FBXW7: variants seen among roughly 807,000 people sequenced by gnomAD.
FBXW7 encodes F-box and WD repeat domain containing 7, also known as F-box/WD repeat-containing protein 7.
Under a neutral mutation model 86.3 loss-of-function variants are expected in FBXW7, and 11 were observed. That is an observed-to-expected ratio of 0.13 (90% CI 0.08 to 0.21). The LOEUF is 0.21. FBXW7 is among the 10% of genes least tolerant of loss of function. The pLI is 1.00. For missense variants in FBXW7, 488 were observed against 847.4 expected (o/e 0.58, Z 5.27); for synonymous variants, 313 against 297.9 (o/e 1.05, Z -0.52).
At chr4:152,435,296 ATTCCT>A (rs1163607726) in intron 2 of FBXW7, among the ~76,000 whole-genome samples, 8 of 152,140 alleles carry the variant, frequency 5.3e-5, no homozygotes, top group Non-Finnish European at 1.0e-4. Context: ...CTTTATTTTC[ATTCCT>A]TTAACAACTT....
intron 4 of FBXW7, chr4:152,352,375 A>G: frequency 6.0e-6 from 9 of 1,489,286 alleles, no homozygotes; most frequent in Non-Finnish European, 8.2e-6. Context: ...CCAAAATTAG[A>G]GGATACTGCA....
chr4:152,520,349 C>T (rs1338871627), intron 2 of FBXW7, among the ~76,000 whole-genome samples: 3 of 150,146 alleles, frequency 2.0e-5, no homozygotes, highest in African/African-American at 7.4e-5. Flanking sequence ...AGGAGAATGG[C>T]GTGAACCCGG....
chr4:152,442,282 T>A (rs1047168526), intron 2 of FBXW7, among the ~76,000 whole-genome samples: 2 of 152,184 alleles, frequency 1.3e-5, no homozygotes, highest in Non-Finnish European at 1.5e-5. Flanking sequence ...GAATTACAGA[T>A]CACTCTGGAG....
chr4:152,326,511 T>C (rs1729035083), intron 11 of FBXW7, among the ~76,000 whole-genome samples: 1 of 151,934 alleles, frequency 6.6e-6, no homozygotes, highest in Non-Finnish European at 1.5e-5. Flanking sequence ...GGACTGAGTT[T>C]GAAAACCACT....
At chr4:152,335,623 C>A (rs534431120) in intron 7 of FBXW7, among the ~76,000 whole-genome samples, 1 of 152,148 alleles carries the variant, frequency 6.6e-6, no homozygotes, top group Admixed American at 6.5e-5. Context: ...TGAATTGAAA[C>A]GTATTTCAGA....
chr4:152,323,273 T>C (rs1287999515), intron 13 of FBXW7, 124 bp from the exon 14 acceptor site: 5 of 1,152,350 alleles, frequency 4.3e-6, no homozygotes, highest in Non-Finnish European at 6.0e-6. Context: ...ATGATACATA[T>C]TTAGAAACCC....
At chr4:152,504,203 T>G (rs950991377) in intron 2 of FBXW7, among the ~76,000 whole-genome samples, 1 of 152,018 alleles carries the variant, frequency 6.6e-6, no homozygotes, top group South Asian at 2.1e-4. Flanking sequence ...CAAGAAAAAG[T>G]AAAATAAAAA....
chr4:152,345,566 T>C (rs2126628102), intron 6 of FBXW7, among the ~76,000 whole-genome samples: 2 of 152,042 alleles, frequency 1.3e-5, no homozygotes, highest in South Asian at 4.2e-4. Context: ...ATCCCCTCAG[T>C]TATAAAAATG....
chr4:152,482,792 G>A (rs1404770642), intron 2 of FBXW7, among the ~76,000 whole-genome samples: 1 of 151,732 alleles, frequency 6.6e-6, no homozygotes, highest in Non-Finnish European at 1.5e-5. Context: ...TTCTATATTT[G>A]TCTTTATTCT....
chr4:152,355,322 T>C (rs1346523611), intron 4 of FBXW7, among the ~76,000 whole-genome samples: 1 of 152,090 alleles, frequency 6.6e-6, no homozygotes, highest in Non-Finnish European at 1.5e-5. Context: ...ATCTATCTTA[T>C]CTCTGTGACA....
chr4:152,391,530 A>G (rs1735997160), intron 4 of FBXW7, among the ~76,000 whole-genome samples: 1 of 152,150 alleles, frequency 6.6e-6, no homozygotes, highest in Non-Finnish European at 1.5e-5. Flanking sequence ...AAGATAAATA[A>G]GTCTAAGGAG....
At chr4:152,440,023 A>C (rs1169760931) in intron 2 of FBXW7, among the ~76,000 whole-genome samples, 1 of 152,178 alleles carries the variant, frequency 6.6e-6, no homozygotes, top group Admixed American at 6.5e-5. Context: ...AGTCAATCCA[A>C]CATATTGCCC....
chr4:152,360,775 A>G (rs1732860550), intron 4 of FBXW7, among the ~76,000 whole-genome samples: 1 of 151,460 alleles, frequency 6.6e-6, no homozygotes, highest in Non-Finnish European at 1.5e-5. Context: ...CATATATTTT[A>G]TGTGTGTGCG....
intron 2 of FBXW7, among the ~76,000 whole-genome samples, chr4:152,444,760 C>A (rs1015499625): frequency 6.6e-6 from 1 of 152,176 alleles, no homozygotes; most frequent in Non-Finnish European, 1.5e-5. Context: ...TCCGGTGATT[C>A]TTTCAATGTG....
chr4:152,327,579 C>T (rs1035108691), intron 11 of FBXW7, among the ~76,000 whole-genome samples: 1 of 151,996 alleles, frequency 6.6e-6, no homozygotes, highest in African/African-American at 2.4e-5. Context: ...TTGGCAGAAA[C>T]CATTTTGAAA....
intron 2 of FBXW7, among the ~76,000 whole-genome samples, chr4:152,534,176 C>G (rs2149754352): frequency 6.6e-6 from 1 of 151,162 alleles, no homozygotes; most frequent in East Asian, 1.9e-4. Context: ...AAAGATGTAT[C>G]CTAAATTGAT....
At chr4:152,508,429 G>A (rs776400194) in intron 2 of FBXW7, among the ~76,000 whole-genome samples, 7 of 152,032 alleles carry the variant, frequency 4.6e-5, no homozygotes, top group Admixed American at 2.0e-4. Flanking sequence ...AGTGGCTCAC[G>A]CTTGTAATCC....
intron 2 of FBXW7, among the ~76,000 whole-genome samples, chr4:152,483,930 T>C: frequency 6.6e-6 from 1 of 152,166 alleles, no homozygotes; most frequent in East Asian, 1.9e-4. Flanking sequence ...ATAGTTTCAT[T>C]AACATACTCT....
At chr4:152,448,310 A>G (rs542552510) in intron 2 of FBXW7, among the ~76,000 whole-genome samples, 7 of 152,234 alleles carry the variant, frequency 4.6e-5, no homozygotes, top group Non-Finnish European at 1.0e-4. Flanking sequence ...TGATGACAAA[A>G]TGATATTGGA....
Sources: allele counts gnomAD v4.1 joint callset (sites outside exome capture counted in the v4.1 genomes callset), GRCh38; gene constraint gnomAD v4.1.1; transcripts MANE v1.5; gene names NCBI Gene and HGNC (gene_info 2026-07-23, HGNC 2026-07-21).